RIMS2: variants seen among roughly 807,000 people sequenced by gnomAD.
The protein encoded by RIMS2 is regulating synaptic membrane exocytosis 2, also known as regulating synaptic membrane exocytosis protein 2.
In RIMS2, 59 loss-of-function variants were observed where a neutral mutation model predicts 174.4. The ratio of observed to expected loss-of-function variants is 0.34; its 90% CI spans 0.27 to 0.42. RIMS2 has a LOEUF of 0.42. RIMS2 is among the 10% of genes least tolerant of loss of function. The probability of loss-of-function intolerance (pLI) is 1.00; values close to 1 mark genes in which losing one functional copy is unlikely to be tolerated. For synonymous variants in RIMS2, 606 were observed against 572.5 expected (o/e 1.06, Z -0.84); for missense variants, 1,620 against 1,666.3 (o/e 0.97, Z 0.48).
chr8:103,521,406 T>C (rs2130458318), intron 1 of RIMS2, among the ~76,000 whole-genome samples: 1 of 152,252 alleles, frequency 6.6e-6, no homozygotes, highest in South Asian at 2.1e-4. Context: ...GCATCATATG[T>C]TTTACATAGA....
chr8:103,986,045 A>G (rs986194284), intron 16 of RIMS2, among the ~76,000 whole-genome samples: 1 of 151,950 alleles, frequency 6.6e-6, no homozygotes, highest in Non-Finnish European at 1.5e-5. Flanking sequence ...AATGGCAACT[A>G]TAGTTAATAT....
At chr8:104,230,869 A>G (rs2099223706) in intron 19 of RIMS2, among the ~76,000 whole-genome samples, 1 of 150,626 alleles carries the variant, frequency 6.6e-6, no homozygotes, top group South Asian at 2.1e-4. Flanking sequence ...TGTCAGCCCA[A>G]GGTTGGAAAA....
intron 19 of RIMS2, among the ~76,000 whole-genome samples, chr8:104,069,834 T>A (rs989514848): frequency 6.6e-6 from 1 of 152,168 alleles, no homozygotes; most frequent in Admixed American, 6.5e-5. Flanking sequence ...ATATTATTCG[T>A]GGTCAAAGTC....
intron 19 of RIMS2, among the ~76,000 whole-genome samples, chr8:104,038,862 A>G (rs943807859): frequency 1.3e-5 from 2 of 151,990 alleles, no homozygotes; most frequent in Admixed American, 1.3e-4. Flanking sequence ...TTTATGCATT[A>G]CATGAATTTT....
chr8:104,242,794 C>T (rs746316784), intron 19 of RIMS2, among the ~76,000 whole-genome samples: 38 of 152,188 alleles, frequency 2.5e-4, no homozygotes, highest in Non-Finnish European at 5.3e-4. Flanking sequence ...TATTTTATAT[C>T]TGGAGGTGCA....
At position 104,223,641 on chromosome 8, in the gene RIMS2, C is replaced by G. The variant is rs760352682; in HGVS notation, c.3335-21275C>G. 9 of 1,586,932 alleles carry G rather than the reference C, an allele frequency of 5.7e-6. No individual in the cohort carries two copies. In the South Asian group the frequency reaches 1.0e-4, roughly 18 times the overall value. ...ATCTTGTACCGCGGGAAAAGCGGGT[C>G]CTCGTCCAAGATGGGCCGGCAGGGC... On this transcript the variant is annotated intron_variant, in intron 19 of 23. Transcript: ENST00000504942.
At chr8:103,908,127 C>T (rs907237341) in intron 4 of RIMS2, among the ~76,000 whole-genome samples, 5 of 152,044 alleles carry the variant, frequency 3.3e-5, no homozygotes, top group Middle Eastern at 3.2e-3. Context: ...CTGCAACCTC[C>T]GCCTCCCAGG....
At chr8:103,590,740 A>G (rs1012031279) in intron 1 of RIMS2, among the ~76,000 whole-genome samples, 1 of 151,182 alleles carries the variant, frequency 6.6e-6, no homozygotes, top group African/African-American at 2.4e-5. Flanking sequence ...AATGCTATGT[A>G]GACTATATTC....
At chr8:103,772,644 A>C (rs1001859106) in intron 3 of RIMS2, among the ~76,000 whole-genome samples, 2 of 152,156 alleles carry the variant, frequency 1.3e-5, no homozygotes, top group Non-Finnish European at 2.9e-5. Flanking sequence ...AATGTTTGAA[A>C]TAACCAAAAC....
intron 19 of RIMS2, among the ~76,000 whole-genome samples, chr8:104,079,681 C>T (rs1194070387): frequency 7.7e-6 from 1 of 129,108 alleles, no homozygotes; most frequent in Non-Finnish European, 1.6e-5. Context: ...TAGGTGAAAA[C>T]ATATATACCT....
chr8:103,663,555 C>T (rs1385924981), intron 1 of RIMS2, among the ~76,000 whole-genome samples: 2 of 152,044 alleles, frequency 1.3e-5, no homozygotes, highest in African/African-American at 4.8e-5. Context: ...GAATAAAATA[C>T]CTAGGAATCT....
chr8:103,616,400 C>T (rs1344237844), intron 1 of RIMS2, among the ~76,000 whole-genome samples: 1 of 152,136 alleles, frequency 6.6e-6, no homozygotes, highest in Non-Finnish European at 1.5e-5. Flanking sequence ...GTGACAAACC[C>T]ACAGCCAACA....
intron 2 of RIMS2, among the ~76,000 whole-genome samples, chr8:103,715,938 C>T (rs903328118): frequency 6.6e-6 from 1 of 151,894 alleles, no homozygotes; most frequent in Admixed American, 6.6e-5. Flanking sequence ...TTTTCTTAAA[C>T]ATTTTTCAGT....
chr8:103,577,616 A>C (rs1307831067), intron 1 of RIMS2, among the ~76,000 whole-genome samples: 1 of 152,240 alleles, frequency 6.6e-6, no homozygotes, highest in Non-Finnish European at 1.5e-5. Flanking sequence ...ATAATTTTAA[A>C]AAATTTAAAG....
intron 19 of RIMS2, among the ~76,000 whole-genome samples, chr8:104,071,165 A>G (rs530166774): frequency 2.0e-5 from 3 of 152,280 alleles, no homozygotes; most frequent in Admixed American, 2.0e-4. Context: ...CATAGCTGGG[A>G]TTTCTTTTCT....
At chr8:104,042,381 A>G (rs549831244) in intron 19 of RIMS2, among the ~76,000 whole-genome samples, 21 of 151,736 alleles carry the variant, frequency 1.4e-4, no homozygotes, top group African/African-American at 5.1e-4. Context: ...AATAGGTCAG[A>G]TGTTTGTTTC....
At chr8:103,677,153 G>T (rs2096824968) in intron 1 of RIMS2, among the ~76,000 whole-genome samples, 1 of 152,032 alleles carries the variant, frequency 6.6e-6, no homozygotes, top group South Asian at 2.1e-4. Context: ...GATGTACTCA[G>T]TTCTTTAGAA....
chr8:103,882,547 G>A (rs2099172816), intron 3 of RIMS2, among the ~76,000 whole-genome samples: 1 of 151,508 alleles, frequency 6.6e-6, no homozygotes, highest in Non-Finnish European at 1.5e-5. Context: ...AGTGACAGTA[G>A]TCATCCCAAT....
chr8:103,878,269 A>C (rs1469959900), intron 3 of RIMS2, among the ~76,000 whole-genome samples: 1 of 151,862 alleles, frequency 6.6e-6, no homozygotes, highest in African/African-American at 2.4e-5. Context: ...TCCTTTTTAA[A>C]TTACCCAGTC....
Sources: allele counts gnomAD v4.1 joint callset (sites outside exome capture counted in the v4.1 genomes callset), GRCh38; gene constraint gnomAD v4.1.1; transcripts MANE v1.5; gene names NCBI Gene and HGNC (gene_info 2026-07-23, HGNC 2026-07-21).